The following CCDC27 variants were observed in gnomAD, a reference collection of about 807,000 sequenced individuals.
The protein encoded by CCDC27 is coiled-coil domain-containing protein 27.
CCDC27 carries 80 observed loss-of-function variants against 80.3 expected under a neutral mutation model. That is an observed-to-expected ratio of 1.00 (90% CI 0.83 to 1.20). The LOEUF (loss-of-function observed/expected upper bound fraction) is 1.20. Among genes scored for constraint, CCDC27 ranks in the 50% most tolerant of loss-of-function variants. The probability of loss-of-function intolerance (pLI) is 0.00; values close to 1 mark genes in which losing one functional copy is unlikely to be tolerated. For synonymous variants in CCDC27, 342 were observed against 334.3 expected, an observed-to-expected ratio of 1.02 and a Z score of -0.25; for missense variants, 815 against 809.4, an observed-to-expected ratio of 1.01 and a Z score of -0.08.
At chr1:3,756,453 G>A (rs1022981984) in intron 3 of CCDC27, 11 of 296,748 alleles carry the variant, frequency 3.7e-5, no homozygotes, top group East Asian at 7.5e-5. Context: ...TCCCAGCTCC[G>A]GCTCGTTTGT....
intron 8 of CCDC27, among the ~76,000 whole-genome samples, chr1:3,765,043 A>C (rs1224256724): frequency 6.6e-6 from 1 of 152,112 alleles, no homozygotes; most frequent in Admixed American, 6.5e-5. Context: ...CTCAAAAAAA[A>C]AAAAAAAAAC....
chr1:3,758,391 TCAGA>T (rs760743243), intron 4 of CCDC27, among the ~76,000 whole-genome samples: 16 of 151,718 alleles, frequency 1.1e-4, no homozygotes, highest in Non-Finnish European at 2.2e-4. Context: ...TTTCACCATG[TCAGA>T]CAGGATGGTC....
chr1:3,753,219 G>C (rs973280733), intron 1 of CCDC27, among the ~76,000 whole-genome samples: 2 of 152,168 alleles, frequency 1.3e-5, no homozygotes, highest in East Asian at 3.8e-4. Flanking sequence ...CTGTGCCACC[G>C]TGTACTGGGG....
At position 3,766,528 on chromosome 1, in the gene CCDC27, C is replaced by T. The variant is rs1643230789; in HGVS notation, c.1453-7C>T. On this transcript the variant is annotated splice_polypyrimidine_tract_variant and splice_region_variant and intron_variant, in intron 8 of 11. Coordinates refer to ENST00000294600, the MANE Select transcript of CCDC27 (RefSeq NM_152492.3). This position sits in a 1 kb window ranked among gnomAD's most constrained non-coding sequence, Gnocchi z 6.1. ...TCCCCCAAGCCAACCCTTCTGTCTC[C>T]TTCCAGTTCTCCAACCTCCGAGAAG... 2.5e-6 allele frequency: 4 copies of T among 1,611,758 alleles called. No individual in the cohort carries two copies. In the South Asian group the frequency reaches 4.4e-5, roughly 18 times the overall value.
chr1:3,752,574 C>A lies in CCDC27; in HGVS notation c.93C>A (p.Phe31Leu). Reference protein sequence around the residue: ...KPGLSSFRSTFRQQSSLGLCI... With the variant: ...KPGLSSFRSTLRQQSSLGLCI... ...GCCTGTCCTCATTCAGGTCCACATT[C>A]AGGCAACAAAGCTCACTTGGTCTTT... The change falls in exon 1 of 12, where the codon TTC becomes TTA. Residue 31 changes from phenylalanine to leucine, a missense_variant. Physicochemically the swap from Phe to Leu is conservative, Grantham distance 22. Coordinates refer to ENST00000294600, the MANE Select transcript of CCDC27 (RefSeq NM_152492.3). The A allele has an allele frequency of 6.2e-7, 1 of 1,614,230 alleles. No homozygotes were observed. Among genetic ancestry groups the A allele is most frequent in the Non-Finnish European group, 8.5e-7 (1 of 1,180,052 alleles).
At chr1:3,756,656 A>G in intron 3 of CCDC27, 77 bp from the exon 4 acceptor site, 2 of 1,512,588 alleles carry the variant, frequency 1.3e-6, no homozygotes, top group Non-Finnish European at 9.1e-7. Flanking sequence ...GGAAGGGTGG[A>G]TGTCGTCATC....
intron 4 of CCDC27, among the ~76,000 whole-genome samples, chr1:3,759,216 C>CA (rs57907387): frequency 0.25 from 35,605 of 144,130 alleles, 4,264 homozygotes; most frequent in Admixed American, 0.28. Context: ...GACTTTGTCT[C>CA]AAAAAAAAAA....
chr1:3,759,162 A>G (rs1453993446), intron 4 of CCDC27, among the ~76,000 whole-genome samples: 1 of 151,948 alleles, frequency 6.6e-6, no homozygotes, highest in East Asian at 1.9e-4. Context: ...GGTTTCAGTG[A>G]GCTGAGATCG....
chr1:3,761,427 G>A lies in CCDC27; in HGVS notation c.858G>A (p.Arg286=), dbSNP rs749661908. 24 of 1,613,452 alleles carry A rather than the reference G, an allele frequency of 1.5e-5. No individual in the cohort carries two copies. Among genetic ancestry groups the A allele is most frequent in the Non-Finnish European group, 1.9e-5 (23 of 1,179,944 alleles). The change falls in exon 5 of 12, where the codon AGG becomes AGA. Residue 286 remains arginine, a synonymous_variant. Transcript: ENST00000294600. This position sits in a 1 kb window ranked among gnomAD's most constrained non-coding sequence, Gnocchi z 5.0. The part of the protein sequence containing the change: ...KGQETSMSPG[R]REQLSDASLK... Reference sequence around the variant, plus strand: ...AAGAGACATCCATGTCCCCAGGCAGGAGGGTGAGCCAGCCCCAGCGGGGCA... The same window carrying A: ...AAGAGACATCCATGTCCCCAGGCAGAAGGGTGAGCCAGCCCCAGCGGGGCA...
At chr1:3,762,994 T>A (rs1643124435) in intron 6 of CCDC27, 114 bp from the exon 7 acceptor site, 1 of 1,307,370 alleles carries the variant, frequency 7.6e-7, no homozygotes, top group East Asian at 2.6e-5. Context: ...CCCTGGACCC[T>A]GCAGCAGCCT....
chr1:3,755,823 T>C, intron 3 of CCDC27: 1 of 469,004 alleles, frequency 2.1e-6, no homozygotes, highest in Non-Finnish European at 3.9e-6. Context: ...TTTTGTCCCC[T>C]TGGCCTTTAC....
In CCDC27 at chr1:3,771,568, G is replaced by C; in HGVS notation, c.*45G>C. 2 of 1,605,358 alleles carry C rather than the reference G, an allele frequency of 1.2e-6. 1 individual carries two copies. Among genetic ancestry groups the C allele is most frequent in the Non-Finnish European group, 1.7e-6 (2 of 1,177,490 alleles). On this transcript the variant is annotated 3_prime_UTR_variant, in exon 12 of 12. Transcript: ENST00000294600. ...TACGGTCAGCCCAGCAGAGGCCGGG[G>C]CCCAGCTCCAGAACCACCCGCCCCC...
rs1271703841 is a variant in CCDC27, at chr1:3,761,210, G to C, written c.712-71G>C. On this transcript the variant is annotated intron_variant, in intron 4 of 11. Transcript: ENST00000294600. The surrounding 1 kb of genome is among the most constrained non-coding windows in gnomAD (Gnocchi z 5.0). ...CAGCAGATCTGCTCCTCCTGGGTGG[G>C]CTGGAGGCAGGTCAGGGGAAGAGTG... 2.6e-6 allele frequency: 4 copies of C among 1,559,338 alleles called. No individual in the cohort carries two copies. The highest frequency in any genetic ancestry group is 3.5e-6 in the Non-Finnish European group (4 of 1,147,956).
intron 11 of CCDC27, among the ~76,000 whole-genome samples, chr1:3,771,180 CACAG>C (rs1202295976): frequency 2.6e-5 from 4 of 152,132 alleles, no homozygotes; most frequent in Admixed American, 2.0e-4. Context: ...ATATTCCCAC[CACAG>C]AAACTGGCAA....
chr1:3,768,673 C>G lies in CCDC27; in HGVS notation c.1744-1110C>G, dbSNP rs1643289950. 6.6e-6 allele frequency among the ~76,000 whole-genome samples: 1 copy of G among 152,134 alleles called. No individual in the cohort carries two copies. The highest frequency in any genetic ancestry group is 2.4e-5 in the African/African-American group (1 of 41,432). ...GCCAGCCTGCACTGACCTGGTGGAG[C>G]CTGGAAAGCTGAGCTGAGAAATATT... On this transcript the variant is annotated intron_variant, in intron 10 of 11. Coordinates refer to ENST00000294600, the MANE Select transcript of CCDC27 (RefSeq NM_152492.3). This position sits in a 1 kb window ranked among gnomAD's most constrained non-coding sequence, Gnocchi z 5.6.
Position 3,752,705 on chromosome 1 carries a change from G to T in CCDC27, c.224G>T (p.Ser75Ile). 6.2e-7 allele frequency: 1 copy of T among 1,613,948 alleles called. No individual in the cohort carries two copies. The highest frequency in any genetic ancestry group is 1.1e-5 in the South Asian group (1 of 91,086). Residue 75 changes from serine to isoleucine, a missense_variant, in exon 1 of 12, where the codon AGC becomes ATC. Coordinates refer to ENST00000294600, the MANE Select transcript of CCDC27 (RefSeq NM_152492.3). ...CTGGTGCTCCTCCAGAGCATGGCCA[G>T]CCGGGACGCCCGGTGCCCAGAATGG... Reference protein sequence around the residue: ...RALVLLQSMASRDARCPEWKP... With the variant: ...RALVLLQSMAIRDARCPEWKP...
chr1:3,763,542 C>T lies in CCDC27; in HGVS notation c.1321+68C>T, dbSNP rs1557627090. The T allele has an allele frequency of 6.5e-7, 1 of 1,547,916 alleles. No individual in the cohort carries two copies. The highest frequency in any genetic ancestry group is 2.3e-5 in the East Asian group (1 of 44,290). On this transcript the variant is annotated intron_variant, in intron 7 of 11. Coordinates refer to ENST00000294600, the MANE Select transcript of CCDC27 (RefSeq NM_152492.3). The surrounding 1 kb of genome is among the most constrained non-coding windows in gnomAD (Gnocchi z 7.5). Reference sequence around the variant, plus strand: ...GTTCCCGGCCCAGGAGCTGGGACGCCCAGACGCTGCCTGCTCTGGTCAGTG... The same window carrying T: ...GTTCCCGGCCCAGGAGCTGGGACGCTCAGACGCTGCCTGCTCTGGTCAGTG...
Position 3,763,349 on chromosome 1 carries a change from G to A in CCDC27, c.1196G>A (p.Arg399Lys). ...LPEEEEIPRR[R>K]ASSLAESFEE... ...GAGGAAGAGGAGATCCCCAGGAGAA[G>A]GGCCTCCTCCCTGGCCGAGTCGTTT... The change falls in exon 7 of 12, where the codon AGG becomes AAG. Residue 399 changes from arginine (R) to lysine (K), a missense_variant. Transcript: ENST00000294600. This position sits in a 1 kb window ranked among gnomAD's most constrained non-coding sequence, Gnocchi z 7.5. 2 of 1,613,068 alleles carry A rather than the reference G, an allele frequency of 1.2e-6. No individual in the cohort carries two copies. Among genetic ancestry groups the A allele is most frequent in the Non-Finnish European group, 1.7e-6 (2 of 1,179,940 alleles).
intron 3 of CCDC27, chr1:3,756,050 G>A (rs1024753242): frequency 6.2e-6 from 1 of 162,124 alleles, no homozygotes; most frequent in African/African-American, 2.4e-5. Context: ...TTTAAAGATG[G>A]AGAAACTGGG....
Sources: allele counts gnomAD v4.1 joint callset (sites outside exome capture counted in the v4.1 genomes callset), GRCh38; gene constraint gnomAD v4.1.1; non-coding constraint Gnocchi (gnomAD v3.1); transcripts MANE v1.5; gene names NCBI Gene and HGNC (gene_info 2026-07-23, HGNC 2026-07-21).